PUS10: variants seen among roughly 807,000 people sequenced by gnomAD.
PUS10 encodes the protein tRNA pseudouridine synthase Pus10.
In PUS10, 59 loss-of-function variants were observed where a neutral mutation model predicts 75.0. That is an observed-to-expected ratio of 0.79 (90% CI 0.64 to 0.98). The LOEUF (loss-of-function observed/expected upper bound fraction) is 0.98, where lower values mean the gene tolerates loss of function less well. Among genes scored for constraint, PUS10 ranks in the 50% least tolerant of loss-of-function variants. The pLI, the probability that PUS10 is intolerant of heterozygous loss-of-function variation, is 0.00. For synonymous variants in PUS10, 219 were observed against 211.6 expected, an observed-to-expected ratio of 1.03 and a Z score of -0.30; for missense variants, 650 against 614.4, an observed-to-expected ratio of 1.06 and a Z score of -0.61.
At chr2:60,998,849 A>G (rs1037232980) in intron 4 of PUS10, 2 of 152,180 alleles carry the variant, frequency 1.3e-5, no homozygotes, top group Admixed American at 6.5e-5. Context: ...TAGAAATGGT[A>G]GTGCTTTTAT....
chr2:60,992,012 CTTTT>C (rs56885280), intron 4 of PUS10, among the ~76,000 whole-genome samples: 2 of 138,396 alleles, frequency 1.4e-5, no homozygotes, highest in African/African-American at 2.6e-5. Context: ...AACAGAAGCA[CTTTT>C]TTTTTTTTTT....
At chr2:60,945,138 C>G (rs754720718) in intron 16 of PUS10, 30 bp from the exon 17 acceptor site, 116 of 1,386,700 alleles carry the variant, frequency 8.4e-5, no homozygotes, top group South Asian at 7.3e-4. Context: ...AAAATGAAGA[C>G]AGCATGCTGT....
chr2:60,957,921 G>A (rs553134544), intron 11 of PUS10, among the ~76,000 whole-genome samples: 17 of 152,252 alleles, frequency 1.1e-4, no homozygotes, highest in Admixed American at 5.9e-4. Context: ...ACCATGCCAC[G>A]TGAGGCACAT....
intron 11 of PUS10, among the ~76,000 whole-genome samples, chr2:60,958,208 C>T (rs1558885374): frequency 6.6e-6 from 1 of 152,152 alleles, no homozygotes; most frequent in Admixed American, 6.5e-5. Flanking sequence ...ACTTTTTGTG[C>T]TAACGCTTTA....
chr2:61,001,257 C>T (rs1240329619), intron 4 of PUS10, among the ~76,000 whole-genome samples: 1 of 151,644 alleles, frequency 6.6e-6, no homozygotes, highest in Non-Finnish European at 1.5e-5. Context: ...TTTCTGGTTG[C>T]TGTTCTTATA....
Position 60,971,543 on chromosome 2 carries a change from C to T in PUS10, c.483G>A (p.Leu161=), listed in dbSNP as rs142333838. ...QLSVREHAAW[L]LVKQEMGKQS... ...CTTACCCCATTTCCTGTTTTACCAG[C>T]AACCATGCAGCATGCTGTAGGCAAT... is the stretch of plus-strand genomic sequence containing the variant. The change falls in exon 5 of 18, where the codon TTG becomes TTA. Residue 161 remains leucine, a synonymous_variant. Coordinates refer to ENST00000316752, the MANE Select transcript of PUS10 (RefSeq NM_144709.4). 58 of 1,613,804 alleles carry T rather than the reference C, an allele frequency of 3.6e-5. No individual in the cohort carries two copies. The African/African-American group carries it at 6.7e-4, about 19-fold the overall frequency.
At chr2:60,965,657 T>G in intron 6 of PUS10, 173 bp from the exon 7 acceptor site, 1 of 481,778 alleles carries the variant, frequency 2.1e-6, no homozygotes, top group Non-Finnish European at 3.6e-6. Context: ...GTAAAGGAAA[T>G]AGTTTTGTTT....
intron 15 of PUS10, among the ~76,000 whole-genome samples, chr2:60,950,390 A>G (rs1209343194): frequency 6.6e-6 from 1 of 152,112 alleles, no homozygotes; most frequent in Non-Finnish European, 1.5e-5. Context: ...ACTAACATGT[A>G]AATTAAATAG....
At chr2:61,002,063 C>T (rs1015458128) in intron 4 of PUS10, among the ~76,000 whole-genome samples, 4 of 152,176 alleles carry the variant, frequency 2.6e-5, no homozygotes, top group African/African-American at 9.7e-5. Flanking sequence ...TTAGTTCCCC[C>T]ACCATCCTTT....
intron 4 of PUS10, among the ~76,000 whole-genome samples, chr2:61,002,407 G>C (rs1678912832): frequency 6.6e-6 from 1 of 152,166 alleles, no homozygotes; most frequent in East Asian, 1.9e-4. Context: ...CCCTTGGCCA[G>C]ATATTATACA....
chr2:60,981,631 C>T (rs913625014), intron 4 of PUS10, among the ~76,000 whole-genome samples: 2 of 152,144 alleles, frequency 1.3e-5, no homozygotes, highest in Non-Finnish European at 2.9e-5. Flanking sequence ...GTAATAAATC[C>T]ATTATGTGTT....
rs56885280 is a variant in PUS10, at chr2:60,992,012, CT to C, written c.468+14544del. Among the ~76,000 whole-genome samples, 712 of 138,262 alleles carry C rather than the reference CT, an allele frequency of 5.1e-3. 2 individuals carry two copies. Among genetic ancestry groups the C allele is most frequent in the Admixed American group, 5.6e-3 (77 of 13,726 alleles). The allele number at this position is 138,262 out of a possible 152,430, so 90.7% of individuals were successfully genotyped here. A position where few individuals can be genotyped will look rare whatever the true frequency, so the allele number is the denominator to read the frequency against. ...GATTGAATGTTACTCAACAGAAGCA[CT>C]TTTTTTTTTTTTTTTTGAGACAGGG... On this transcript the variant is annotated intron_variant, in intron 4 of 17. Transcript: ENST00000316752.
At chr2:60,950,475 T>C (rs1675267999) in intron 15 of PUS10, among the ~76,000 whole-genome samples, 1 of 152,210 alleles carries the variant, frequency 6.6e-6, no homozygotes, top group Admixed American at 6.5e-5. Context: ...TGGAGTGCTG[T>C]GGCGCGATCT....
Position 60,945,231 on chromosome 2 carries a change from G to A in PUS10, c.1452-123C>T, listed in dbSNP as rs892595431. On this transcript the variant is annotated intron_variant, in intron 16 of 17. Coordinates refer to ENST00000316752, the MANE Select transcript of PUS10 (RefSeq NM_144709.4). ...AAAAGAAAGGTTACTTCTGAGCTCT[G>A]ACTTGTGTGTCTTAAAAAATAAGCT... 9 of 609,998 alleles carry A rather than the reference G, an allele frequency of 1.5e-5. No homozygotes were observed. The East Asian group carries it at 2.1e-4, about 15-fold the overall frequency. The allele number at this position is 609,998 out of a possible 1,614,324, so 37.8% of individuals were successfully genotyped here.
intron 4 of PUS10, among the ~76,000 whole-genome samples, chr2:60,971,987 C>T (rs1676703284): frequency 6.7e-6 from 1 of 148,510 alleles, no homozygotes; most frequent in African/African-American, 2.5e-5. Flanking sequence ...TCTTCTGCCT[C>T]AGTCTTCTGA....
At chr2:60,945,157 T>C in intron 16 of PUS10, 49 bp from the exon 17 acceptor site, 2 of 1,143,798 alleles carry the variant, frequency 1.7e-6, no homozygotes, top group Non-Finnish European at 2.7e-6. Flanking sequence ...GTACCAACTA[T>C]TTGGTAAGAT....
chr2:60,963,154 T>G (rs1484168737), intron 8 of PUS10, among the ~76,000 whole-genome samples: 1 of 152,254 alleles, frequency 6.6e-6, no homozygotes, highest in Non-Finnish European at 1.5e-5. Flanking sequence ...AGAACAGGTC[T>G]TCTTCACCAC....
At chr2:60,988,656 G>A (rs1033238966) in intron 4 of PUS10, among the ~76,000 whole-genome samples, 1 of 152,152 alleles carries the variant, frequency 6.6e-6, no homozygotes, top group East Asian at 1.9e-4. Context: ...TGTTTTTTGA[G>A]ATGGAGTCTT....
intron 4 of PUS10, among the ~76,000 whole-genome samples, chr2:60,995,870 G>T (rs1458229436): frequency 6.6e-6 from 1 of 152,128 alleles, no homozygotes; most frequent in African/African-American, 2.4e-5. Flanking sequence ...GAATGCACCT[G>T]ATCTCCCTCA....
Sources: gnomAD v4.1 joint callset for allele counts (sites outside exome capture counted in the v4.1 genomes callset) on GRCh38, gnomAD v4.1.1 for gene constraint, MANE v1.5 for transcripts, NCBI Gene and HGNC (gene_info 2026-07-23, HGNC 2026-07-21) for gene names.